SLAMF1: variants seen among roughly 807,000 people sequenced by gnomAD.
SLAMF1 encodes the protein signaling lymphocytic activation molecule.
In SLAMF1, 18 loss-of-function variants were observed where a neutral mutation model predicts 35.1. The ratio of observed to expected loss-of-function variants is 0.51; its 90% CI spans 0.35 to 0.76. The LOEUF (loss-of-function observed/expected upper bound fraction) is 0.76, where lower values mean the gene tolerates loss of function less well. SLAMF1 is among the 30% of genes least tolerant of loss of function. The pLI is 0.01. For synonymous variants in SLAMF1, 168 were observed against 157.2 expected (o/e 1.07, Z -0.51); for missense variants, 392 against 413.0 (o/e 0.95, Z 0.44).
Position 160,636,564 on chromosome 1 carries a change from G to A in SLAMF1, c.415+627C>T, listed in dbSNP as rs1400652045. Among the ~76,000 whole-genome samples, 7 of 152,230 alleles carry A rather than the reference G, an allele frequency of 4.6e-5. 1 individual carries two copies. The highest frequency in any genetic ancestry group is 4.6e-4 in the Admixed American group (7 of 15,282). ...CAAAAAAGCACTGGCCTTGGATTCA[G>A]GTGGACTTGGTTCCTAGTTTAAGTA... On this transcript the variant is annotated intron_variant, in intron 2 of 6. Coordinates refer to ENST00000302035, the MANE Select transcript of SLAMF1 (RefSeq NM_003037.5).
intron 1 of SLAMF1, among the ~76,000 whole-genome samples, chr1:160,643,333 A>G (rs972243218): frequency 1.6e-4 from 24 of 152,292 alleles, no homozygotes; most frequent in Non-Finnish European, 3.4e-4. Context: ...TGCATGCTGC[A>G]TAATGATGGC....
intron 1 of SLAMF1, 121 bp downstream of exon 1, chr1:160,646,749 G>T: frequency 1.6e-6 from 1 of 635,916 alleles, no homozygotes; most frequent in Non-Finnish European, 3.0e-6. Context: ...CTGACAGCCA[G>T]TCCCTAAGGA....
intron 3 of SLAMF1, among the ~76,000 whole-genome samples, chr1:160,625,687 T>G (rs1659839364): frequency 1.3e-5 from 2 of 151,966 alleles, no homozygotes; most frequent in South Asian, 4.2e-4. Flanking sequence ...TATGCTCTGA[T>G]TAAAAAAAAA....
rs771655877 is a variant in SLAMF1 at position 160,610,707 on chromosome 1, T to C, written c.*41A>G. 1.9e-6 allele frequency: 3 copies of C among 1,553,202 alleles called. No homozygotes were observed. The highest frequency in any genetic ancestry group is 2.7e-5 in the African/African-American group (2 of 73,668). On this transcript the variant is annotated 3_prime_UTR_variant, in exon 7 of 7. Transcript: ENST00000302035. Reference sequence around the variant, plus strand: ...CCAAGTTCAGTGTTCATTTTGGTTTTTCCATTTTCCTTCAGAAAGTCCCTT... The same window carrying C: ...CCAAGTTCAGTGTTCATTTTGGTTTCTCCATTTTCCTTCAGAAAGTCCCTT...
At chr1:160,616,578 G>A (rs905049709) in intron 5 of SLAMF1, among the ~76,000 whole-genome samples, 1 of 152,228 alleles carries the variant, frequency 6.6e-6, no homozygotes, top group Non-Finnish European at 1.5e-5. Context: ...CCAAAGGCAA[G>A]CTACAGATGG....
At chr1:160,610,861 G>T in intron 6 of SLAMF1, 63 bp from the exon 7 acceptor site, 1 of 1,221,814 alleles carries the variant, frequency 8.2e-7, no homozygotes, top group Non-Finnish European at 1.2e-6. Flanking sequence ...GAATGCAAAT[G>T]AAAACAGCAC....
At chr1:160,616,370 T>G (rs980016804) in intron 5 of SLAMF1, among the ~76,000 whole-genome samples, 11 of 100,090 alleles carry the variant, frequency 1.1e-4, no homozygotes, top group African/African-American at 4.2e-4. Context: ...TACCAGCCAC[T>G]GCAGTGCCTT....
intron 5 of SLAMF1, among the ~76,000 whole-genome samples, chr1:160,614,551 C>T (rs373840402): frequency 1.2e-4 from 18 of 144,452 alleles, no homozygotes; most frequent in South Asian, 6.8e-4. Context: ...TCTAGCCTGG[C>T]GACAGAGTGA....
intron 1 of SLAMF1, among the ~76,000 whole-genome samples, chr1:160,644,771 GA>G (rs1285801169): frequency 3.3e-5 from 5 of 152,292 alleles, no homozygotes; most frequent in South Asian, 2.1e-4. Context: ...TTGAGAAATA[GA>G]AGTGCCTAGA....
At chr1:160,632,704 C>T (rs1447549508) in intron 3 of SLAMF1, among the ~76,000 whole-genome samples, 1 of 152,122 alleles carries the variant, frequency 6.6e-6, no homozygotes. Context: ...CAGCTATACC[C>T]AGAGAGGGCT....
intron 1 of SLAMF1, among the ~76,000 whole-genome samples, chr1:160,639,160 G>C (rs745360124): frequency 6.6e-6 from 1 of 152,078 alleles, no homozygotes; most frequent in African/African-American, 2.4e-5. Context: ...TTATAATTCA[G>C]CCAATTTGTC....
chr1:160,616,383 T>TAA (rs5778171), intron 5 of SLAMF1, among the ~76,000 whole-genome samples: 53,077 of 148,270 alleles, frequency 0.36, 11,006 homozygotes, highest in East Asian at 0.64. Flanking sequence ...AGTGCCTTCT[T>TAA]AAAAAAAAAA....
Position 160,646,996 on chromosome 1 carries a change from A to AG in SLAMF1, c.-52_-51insC. 15 of 940,868 alleles carry AG rather than the reference A, an allele frequency of 1.6e-5. No homozygotes were observed. Among genetic ancestry groups the AG allele is most frequent in the Non-Finnish European group, 2.4e-5 (14 of 577,118 alleles). The allele number at this position is 940,868 out of a possible 1,614,324, so 58.3% of individuals were successfully genotyped here. ...CCTGGCCGGAGCCTGGCAGCTGCTCACAGATGCCAGGCAGAAGCAAGCTTC... is the reference window on the plus strand; with the variant it reads ...CCTGGCCGGAGCCTGGCAGCTGCTCAGCAGATGCCAGGCAGAAGCAAGCTTC... On this transcript the variant is annotated 5_prime_UTR_variant, in exon 1 of 7. The change creates a premature stop within an existing upstream ORF in the 5' untranslated region. Coordinates refer to ENST00000302035, the MANE Select transcript of SLAMF1 (RefSeq NM_003037.5).
At position 160,646,854 on chromosome 1, in the gene SLAMF1, G is replaced by A. The variant is rs1435817719; in HGVS notation, c.76+16C>T. 1 of 1,483,738 alleles carries A rather than the reference G, an allele frequency of 6.7e-7. No homozygotes were observed. The highest frequency in any genetic ancestry group is 1.4e-5 in the African/African-American group (1 of 72,728). 91.9% of individuals were successfully genotyped at this position (1,483,738 alleles called of 1,614,324 possible). A position where few individuals can be genotyped will look rare whatever the true frequency, so the allele number is the denominator to read the frequency against. On this transcript the variant is annotated intron_variant, in intron 1 of 6. Transcript: ENST00000302035. Reference sequence around the variant, plus strand: ...GCTAACATGGGACTCAAACCATCAGGCAGATGAACACTCACCTGTTCCGTA... The same window carrying A: ...GCTAACATGGGACTCAAACCATCAGACAGATGAACACTCACCTGTTCCGTA...
In SLAMF1 at chr1:160,634,890, G is replaced by C. The variant is rs762229284; in HGVS notation, c.423C>G (p.Val141=). 1 of 1,609,872 alleles carries C rather than the reference G, an allele frequency of 6.2e-7. No homozygotes were observed. Among genetic ancestry groups the C allele is most frequent in the Admixed American group, 1.7e-5 (1 of 59,870 alleles). Residue 141 remains valine (V), a synonymous_variant, in exon 3 of 7, where the codon GTC becomes GTG. Coordinates refer to ENST00000302035, the MANE Select transcript of SLAMF1 (RefSeq NM_003037.5). ...TTAAAACTTTAATTTCTGGAGTGGA[G>C]ACCTGCTCTGTCAGGAGTGGGAGGA... ...FCLQLRLYEQ[V]STPEIKVLNK...
chr1:160,633,112 A>AT (rs1660247350), intron 3 of SLAMF1, among the ~76,000 whole-genome samples: 2 of 152,316 alleles, frequency 1.3e-5, no homozygotes, highest in South Asian at 4.1e-4. Context: ...AAAGGGCAGC[A>AT]TTGGCTCTAG....
rs564382729 is a variant in SLAMF1 at position 160,642,875 on chromosome 1, C to T, written c.76+3995G>A. 3.9e-4 allele frequency among the ~76,000 whole-genome samples: 59 copies of T among 152,264 alleles called. No homozygotes were observed. The highest frequency in any genetic ancestry group is 7.9e-4 in the African/African-American group (33 of 41,554). The stretch of plus-strand genomic sequence containing the variant: ...TCTGCATTTGTGCCTCCTTCTAGAA[C>T]GCTCCTTCTCAAGTTCCATAAAAAT... On this transcript the variant is annotated intron_variant, in intron 1 of 6. Transcript: ENST00000302035. This position sits in a 1 kb window ranked among gnomAD's most constrained non-coding sequence, Gnocchi z 4.2.
At chr1:160,620,112 A>C (rs1438296670) in intron 4 of SLAMF1, among the ~76,000 whole-genome samples, 1 of 152,228 alleles carries the variant, frequency 6.6e-6, no homozygotes, top group Non-Finnish European at 1.5e-5. Flanking sequence ...CCACTTGTAA[A>C]GTGTTTAGAA....
At chr1:160,618,397 AGAGT>A (rs748790857) in intron 5 of SLAMF1, among the ~76,000 whole-genome samples, 4 of 148,630 alleles carry the variant, frequency 2.7e-5, no homozygotes, top group Non-Finnish European at 5.9e-5. Flanking sequence ...TGTGTATGTG[AGAGT>A]GAGTGTGTGT....
Sources: allele counts gnomAD v4.1 joint callset (sites outside exome capture counted in the v4.1 genomes callset), GRCh38; gene constraint gnomAD v4.1.1; non-coding constraint Gnocchi (gnomAD v3.1); transcripts MANE v1.5; gene names NCBI Gene and HGNC (gene_info 2026-07-23, HGNC 2026-07-21).